SLC38A9: variants seen among roughly 807,000 people sequenced by gnomAD.
The protein encoded by SLC38A9 is neutral amino acid transporter 9.
In SLC38A9, 48 loss-of-function variants were observed where a neutral mutation model predicts 62.3. The ratio of observed to expected loss-of-function variants is 0.77; its 90% confidence interval spans 0.61 to 0.98. The LOEUF (loss-of-function observed/expected upper bound fraction) is 0.98. Ranked by LOEUF, SLC38A9 falls within the 50% of genes least tolerant of loss-of-function variation. The pLI, the probability that SLC38A9 is intolerant of heterozygous loss-of-function variation, is 0.00. For missense variants in SLC38A9, 541 were observed against 679.8 expected, an observed-to-expected ratio of 0.80 and a Z score of 2.27; for synonymous variants, 204 against 227.7, an observed-to-expected ratio of 0.90 and a Z score of 0.94.
chr5:55,633,951 A>G, intron 13 of SLC38A9, 49 bp from the exon 14 acceptor site: 1 of 1,395,548 alleles, frequency 7.2e-7, no homozygotes, highest in Non-Finnish European at 9.9e-7. Context: ...AATTCAGTAC[A>G]CACATTCATA....
chr5:55,690,230 A>G (rs1032424952), intron 3 of SLC38A9, among the ~76,000 whole-genome samples: 3 of 152,056 alleles, frequency 2.0e-5, no homozygotes, highest in Non-Finnish European at 2.9e-5. Context: ...GGCCTCAAGC[A>G]ATACACCTCC....
intron 14 of SLC38A9, 133 bp from the exon 15 acceptor site, chr5:55,628,113 C>A: frequency 1.6e-6 from 1 of 606,932 alleles, no homozygotes; most frequent in Non-Finnish European, 2.9e-6. Context: ...AAAATCACAG[C>A]AAAAATAGAA....
At chr5:55,708,837 G>A (rs1298885746) in intron 2 of SLC38A9, among the ~76,000 whole-genome samples, 2 of 152,170 alleles carry the variant, frequency 1.3e-5, no homozygotes, top group Non-Finnish European at 2.9e-5. Flanking sequence ...GCAATTGAGT[G>A]TGCATGGCTG....
chr5:55,712,075 G>A (rs1047282944), intron 1 of SLC38A9, 142 bp downstream of exon 1: 2 of 152,248 alleles, frequency 1.3e-5, no homozygotes, highest in Admixed American at 6.5e-5. Context: ...CCCAAAAGAA[G>A]AGACGGTTCC....
At chr5:55,694,596 A>G (rs1415579985) in intron 3 of SLC38A9, among the ~76,000 whole-genome samples, 2 of 152,146 alleles carry the variant, frequency 1.3e-5, no homozygotes, top group African/African-American at 4.8e-5. Context: ...TACCTTAATC[A>G]ATATACTTTG....
intron 14 of SLC38A9, among the ~76,000 whole-genome samples, chr5:55,628,298 T>C (rs1244358350): frequency 1.3e-5 from 2 of 152,202 alleles, no homozygotes; most frequent in Admixed American, 6.5e-5. Flanking sequence ...GAAAATGCTA[T>C]GAATATCAAG....
At chr5:55,690,019 G>A (rs1754501237) in intron 3 of SLC38A9, among the ~76,000 whole-genome samples, 1 of 151,856 alleles carries the variant, frequency 6.6e-6, no homozygotes, top group Non-Finnish European at 1.5e-5. Flanking sequence ...GGGCAATTAA[G>A]CAAACAAAAC....
chr5:55,702,937 T>G (rs1273801961), intron 2 of SLC38A9: 1 of 152,208 alleles, frequency 6.6e-6, no homozygotes, highest in Non-Finnish European at 1.5e-5. Flanking sequence ...ATTAAAGTAG[T>G]ACCTTACAAC....
intron 4 of SLC38A9, among the ~76,000 whole-genome samples, chr5:55,672,300 G>A (rs1751456385): frequency 6.6e-6 from 1 of 152,190 alleles, no homozygotes; most frequent in Admixed American, 6.5e-5. Context: ...CCTCCTCAGA[G>A]ATTTGGGGAA....
At chr5:55,656,799 T>C (rs1397861248) in intron 8 of SLC38A9, 25 bp from the exon 9 acceptor site, 3 of 1,232,960 alleles carry the variant, frequency 2.4e-6, no homozygotes, top group South Asian at 2.6e-5. Flanking sequence ...AAAAATATAG[T>C]TTAACACTGA....
intron 12 of SLC38A9, among the ~76,000 whole-genome samples, chr5:55,644,906 C>T (rs1746065949): frequency 6.6e-6 from 1 of 151,816 alleles, no homozygotes; most frequent in East Asian, 1.9e-4. Flanking sequence ...TGTGATGTTC[C>T]CCTTCCTGTG....
intron 12 of SLC38A9, among the ~76,000 whole-genome samples, chr5:55,638,153 C>T (rs576737186): frequency 6.6e-6 from 1 of 152,222 alleles, no homozygotes; most frequent in East Asian, 1.9e-4. Flanking sequence ...TCTGAATACT[C>T]CAATGAACAG....
intron 2 of SLC38A9, among the ~76,000 whole-genome samples, chr5:55,701,286 G>C (rs565197690): frequency 6.6e-6 from 1 of 152,196 alleles, no homozygotes; most frequent in East Asian, 1.9e-4. Flanking sequence ...AACATCTTTA[G>C]CTAGATGTAA....
chr5:55,664,181 C>G (rs942978423), intron 8 of SLC38A9, among the ~76,000 whole-genome samples: 3 of 151,946 alleles, frequency 2.0e-5, no homozygotes, highest in African/African-American at 7.2e-5. Context: ...CTTCCTCTAT[C>G]TAACCTAAAA....
chr5:55,645,165 A>G (rs1746125652), intron 12 of SLC38A9, among the ~76,000 whole-genome samples: 1 of 152,066 alleles, frequency 6.6e-6, no homozygotes, highest in African/African-American at 2.4e-5. Flanking sequence ...GGCTTAAGCA[A>G]TCCTGCTGCC....
At chr5:55,687,065 G>GTTTTTTTTTT (rs56912932) in intron 3 of SLC38A9, among the ~76,000 whole-genome samples, 6 of 125,706 alleles carry the variant, frequency 4.8e-5, no homozygotes, top group African/African-American at 9.5e-5. Context: ...CTCCAGCTTT[G>GTTTTTTTTTT]TTTTTTTTTT....
chr5:55,674,401 T>C (rs1751793201), intron 3 of SLC38A9, among the ~76,000 whole-genome samples: 1 of 152,206 alleles, frequency 6.6e-6, no homozygotes, highest in African/African-American at 2.4e-5. Flanking sequence ...GATTAGGTCA[T>C]GAGGGCTCTG....
At chr5:55,683,809 T>C (rs1753379202) in intron 3 of SLC38A9, among the ~76,000 whole-genome samples, 1 of 152,362 alleles carries the variant, frequency 6.6e-6, no homozygotes, top group Non-Finnish European at 1.5e-5. Context: ...GATGGGTATC[T>C]GGGTTTCTTT....
Position 55,672,614 on chromosome 5 carries a change from G to T in SLC38A9, c.195C>A (p.Asn65Lys). 1 of 1,614,128 alleles carries T rather than the reference G, an allele frequency of 6.2e-7. No homozygotes were observed. The highest frequency in any genetic ancestry group is 8.5e-7 in the Non-Finnish European group (1 of 1,180,018). ...QRVSDHASAM[N>K]KRIHYYSRLT... ...GCCGGCTGTAGTAATGAATTCTCTT[G>T]TTCATGGCAGAGGCATGGTCACTAA... The change falls in exon 4 of 16, where the codon AAC becomes AAA. Residue 65 changes from asparagine to lysine, a missense_variant. Physicochemically the swap from Asn to Lys is moderately conservative, Grantham distance 94. Coordinates refer to ENST00000396865, the MANE Select transcript of SLC38A9 (RefSeq NM_173514.4).
Sources: gnomAD v4.1 joint callset for allele counts (sites outside exome capture counted in the v4.1 genomes callset) on GRCh38, gnomAD v4.1.1 for gene constraint, MANE v1.5 for transcripts, NCBI Gene and HGNC (gene_info 2026-07-23, HGNC 2026-07-21) for gene names.